The following SEZ6L variants were observed in gnomAD, a reference collection of about 807,000 sequenced individuals.
The protein encoded by SEZ6L is seizure related 6 homolog like.
In SEZ6L, 37 loss-of-function variants were observed where a neutral mutation model predicts 106.2. That is an observed-to-expected ratio of 0.35 (90% CI 0.27 to 0.46). SEZ6L has a LOEUF of 0.46. Among genes scored for constraint, SEZ6L ranks in the 20% least tolerant of loss-of-function variants. The pLI is 1.00. For missense variants in SEZ6L, 1,172 were observed against 1,332.8 expected, an observed-to-expected ratio of 0.88 and a Z score of 1.88; for synonymous variants, 541 against 570.4, an observed-to-expected ratio of 0.95 and a Z score of 0.73.
intron 9 of SEZ6L, among the ~76,000 whole-genome samples, chr22:26,331,698 T>C (rs563942435): frequency 2.6e-4 from 40 of 152,238 alleles, no homozygotes; most frequent in African/African-American, 8.4e-4. Context: ...AAACAAGAAG[T>C]CTGGGCCAGG....
At chr22:26,193,394 C>A (rs997937013) in intron 1 of SEZ6L, among the ~76,000 whole-genome samples, 2 of 152,198 alleles carry the variant, frequency 1.3e-5, no homozygotes, top group Non-Finnish European at 2.9e-5. Flanking sequence ...AGGTAACATA[C>A]TCAAGATCAC....
In SEZ6L at chr22:26,214,595, G is replaced by A. The variant is rs145159805; in HGVS notation, c.94+44832G>A. 1.6e-4 allele frequency among the ~76,000 whole-genome samples: 24 copies of A among 152,292 alleles called. No homozygotes were observed. The East Asian group carries it at 1.7e-3, about 11-fold the overall frequency. ...AAGAAATGCTGGTCGGATCTCCTGC[G>A]GAATTTCAGGAAGGAAGCAGCTTGC... is the stretch of plus-strand genomic sequence containing the variant. On this transcript the variant is annotated intron_variant, in intron 1 of 16. Coordinates refer to ENST00000248933, the MANE Select transcript of SEZ6L (RefSeq NM_021115.5).
chr22:26,172,787 C>G (rs1938715822), intron 1 of SEZ6L, among the ~76,000 whole-genome samples: 2 of 152,178 alleles, frequency 1.3e-5, no homozygotes. Context: ...ACCCTTGACA[C>G]ACGCAGTGAA....
chr22:26,313,498 T>C (rs2081904170), intron 8 of SEZ6L, among the ~76,000 whole-genome samples: 1 of 151,712 alleles, frequency 6.6e-6, no homozygotes, highest in Non-Finnish European at 1.5e-5. Flanking sequence ...GAAAGAGCAA[T>C]AGCACCTCTT....
chr22:26,304,376 G>GAAAGAAAGAA (rs1483136776), intron 5 of SEZ6L, among the ~76,000 whole-genome samples: 4 of 65,890 alleles, frequency 6.1e-5, no homozygotes, highest in African/African-American at 2.5e-4. Flanking sequence ...AAAGAAGAAA[G>GAAAGAAAGAA]AAAGAAAGAA....
At chr22:26,277,094 A>C (rs1314386163) in intron 1 of SEZ6L, among the ~76,000 whole-genome samples, 1 of 147,396 alleles carries the variant, frequency 6.8e-6, no homozygotes, top group Non-Finnish European at 1.5e-5. Flanking sequence ...CTTGTAGCCG[A>C]AACACTGAGT....
intron 5 of SEZ6L, among the ~76,000 whole-genome samples, chr22:26,305,488 G>A (rs1189388976): frequency 6.6e-6 from 1 of 152,128 alleles, no homozygotes; most frequent in Non-Finnish European, 1.5e-5. Context: ...TTTTATCTTG[G>A]CCGATTAGGT....
At chr22:26,190,561 G>A (rs1162942161) in intron 1 of SEZ6L, among the ~76,000 whole-genome samples, 2 of 152,118 alleles carry the variant, frequency 1.3e-5, no homozygotes, top group African/African-American at 4.8e-5. Flanking sequence ...ATCTTTAACA[G>A]GAATTTATAA....
chr22:26,189,745 T>A (rs1452717755), intron 1 of SEZ6L, among the ~76,000 whole-genome samples: 1 of 151,786 alleles, frequency 6.6e-6, no homozygotes, highest in Non-Finnish European at 1.5e-5. Flanking sequence ...CTGGAACGAG[T>A]CTCACATGGA....
chr22:26,351,600 G>T, intron 12 of SEZ6L: 1 of 186,446 alleles, frequency 5.4e-6, no homozygotes, highest in Non-Finnish European at 1.1e-5. Flanking sequence ...AGGCTGGAGT[G>T]CAGTGGCACC....
chr22:26,251,662 G>A (rs2079592786), intron 1 of SEZ6L, among the ~76,000 whole-genome samples: 1 of 152,212 alleles, frequency 6.6e-6, no homozygotes. Context: ...TGCTAAGGCA[G>A]CAAAGTGCCT....
intron 13 of SEZ6L, among the ~76,000 whole-genome samples, chr22:26,366,706 T>TCAAA (rs35344967): frequency 2.1e-4 from 31 of 150,824 alleles, no homozygotes; most frequent in South Asian, 1.7e-3. Flanking sequence ...AGACTCTGTC[T>TCAAA]CAAACAAACA....
intron 1 of SEZ6L, among the ~76,000 whole-genome samples, chr22:26,240,181 C>G (rs2079082486): frequency 6.6e-6 from 1 of 152,030 alleles, no homozygotes. Context: ...ATCTGGTAGA[C>G]CCCCACACCT....
intron 1 of SEZ6L, among the ~76,000 whole-genome samples, chr22:26,205,065 A>T (rs1941205936): frequency 6.6e-6 from 1 of 152,172 alleles, no homozygotes; most frequent in Admixed American, 6.5e-5. Context: ...TTTCCCATTC[A>T]TTATTCCTTT....
At chr22:26,297,395 A>G (rs1310105885) in intron 4 of SEZ6L, among the ~76,000 whole-genome samples, 1 of 152,196 alleles carries the variant, frequency 6.6e-6, no homozygotes, top group East Asian at 1.9e-4. Flanking sequence ...ACTAAGGAGC[A>G]TAAGAAATAG....
chr22:26,326,521 C>A (rs55872492), intron 9 of SEZ6L, among the ~76,000 whole-genome samples: 1 of 152,184 alleles, frequency 6.6e-6, no homozygotes, highest in Non-Finnish European at 1.5e-5. Flanking sequence ...TTAGTTAATT[C>A]TCAAAGCAAC....
At position 26,343,342 on chromosome 22, in the gene SEZ6L, AC is replaced by A. The variant is rs1601555973; in HGVS notation, c.2212+2711del. On this transcript the variant is annotated intron_variant, in intron 10 of 16. Coordinates refer to ENST00000248933, the MANE Select transcript of SEZ6L (RefSeq NM_021115.5). ...TGATGGCCAAAAAAAAAAAAAAAAA[AC>A]TGACTGACTCTATCCAAGGCTGGTC... Among the ~76,000 whole-genome samples the A allele has an allele frequency of 6.1e-5, 9 of 148,458 alleles. 1 individual carries two copies. Among genetic ancestry groups the A allele is most frequent in the Admixed American group, 5.3e-4 (8 of 14,976 alleles).
At chr22:26,316,345 T>C (rs2081996175) in intron 9 of SEZ6L, among the ~76,000 whole-genome samples, 2 of 152,150 alleles carry the variant, frequency 1.3e-5, no homozygotes, top group African/African-American at 4.8e-5. Context: ...GCACTGAAGA[T>C]ACAGTTGTGA....
At chr22:26,188,271 G>A (rs1282914267) in intron 1 of SEZ6L, among the ~76,000 whole-genome samples, 1 of 152,160 alleles carries the variant, frequency 6.6e-6, no homozygotes, top group African/African-American at 2.4e-5. Flanking sequence ...GAAATTCAGT[G>A]GCTTAAAATA....
Sources: gnomAD v4.1 joint callset for allele counts (sites outside exome capture counted in the v4.1 genomes callset) on GRCh38, gnomAD v4.1.1 for gene constraint, MANE v1.5 for transcripts, NCBI Gene and HGNC (gene_info 2026-07-23, HGNC 2026-07-21) for gene names.